EFNA3: variants seen among roughly 807,000 people sequenced by gnomAD.
The protein encoded by EFNA3 is ephrin A3, also known as ephrin-A3.
Under a neutral mutation model 25.0 loss-of-function variants are expected in EFNA3, and 15 were observed. That is an observed-to-expected ratio of 0.60 (90% confidence interval 0.40 to 0.92). The LOEUF (loss-of-function observed/expected upper bound fraction) is 0.92. Among genes scored for constraint, EFNA3 ranks in the 40% least tolerant of loss-of-function variants. The pLI is 0.00. For synonymous variants in EFNA3, 153 were observed against 145.6 expected, an observed-to-expected ratio of 1.05 and a Z score of -0.37; for missense variants, 298 against 323.8, an observed-to-expected ratio of 0.92 and a Z score of 0.61.
At position 155,079,071 on chromosome 1, in the gene EFNA3, T is replaced by G; in HGVS notation, c.128+2T>G. On this transcript the variant is annotated splice_donor_variant, in intron 1 of 4. Coordinates refer to ENST00000368408, the MANE Select transcript of EFNA3 (RefSeq NM_004952.5). LOFTEE classifies it high-confidence loss of function. This position sits in a 1 kb window ranked among gnomAD's most constrained non-coding sequence, Gnocchi z 7.7. ...GTACTGGAACAGCTCCAACCAGCAG[T>G]GAGTCGGGGACCCTGGGAGTCCGCG... The G allele has an allele frequency of 3.7e-6, 5 of 1,335,580 alleles. No homozygotes were observed. The highest frequency in any genetic ancestry group is 4.8e-6 in the Non-Finnish European group (5 of 1,036,442). 82.7% of individuals were successfully genotyped at this position (1,335,580 alleles called of 1,614,324 possible).
At chr1:155,082,609 TG>T (rs1334773391) in intron 1 of EFNA3, among the ~76,000 whole-genome samples, 2 of 152,012 alleles carry the variant, frequency 1.3e-5, no homozygotes, top group South Asian at 4.2e-4. Flanking sequence ...CCCCTCCAAA[TG>T]GGGTGTGTCG....
chr1:155,083,786 C>T (rs754000750), intron 1 of EFNA3, among the ~76,000 whole-genome samples: 3 of 152,194 alleles, frequency 2.0e-5, no homozygotes, highest in African/African-American at 7.2e-5. Flanking sequence ...CCAGTCTCTC[C>T]CCCCAGGGAG....
In EFNA3 at chr1:155,085,510, G is replaced by A. The variant is rs1388158373; in HGVS notation, c.442+106G>A. On this transcript the variant is annotated intron_variant, in intron 2 of 4. Coordinates refer to ENST00000368408, the MANE Select transcript of EFNA3 (RefSeq NM_004952.5). This position sits in a 1 kb window ranked among gnomAD's most constrained non-coding sequence, Gnocchi z 4.4. The stretch of plus-strand genomic sequence containing the variant: ...GGCGGGGCCGGCGCGGCGGGCGCCA[G>A]GTCTCGCGGCTGAGACCAGGGAGGA... 1.5e-6 allele frequency: 2 copies of A among 1,371,792 alleles called. No individual in the cohort carries two copies. The highest frequency in any genetic ancestry group is 5.1e-5 in the East Asian group (2 of 39,486). 85.0% of individuals were successfully genotyped at this position (1,371,792 alleles called of 1,614,324 possible).
Position 155,085,079 on chromosome 1 carries a change from T to A in EFNA3, c.129-12T>A, listed in dbSNP as rs1390854139. On this transcript the variant is annotated splice_polypyrimidine_tract_variant and intron_variant, in intron 1 of 4. Coordinates refer to ENST00000368408, the MANE Select transcript of EFNA3 (RefSeq NM_004952.5). This position sits in a 1 kb window ranked among gnomAD's most constrained non-coding sequence, Gnocchi z 4.4. ...GGTTTCTTCTCTCTGAGCCGCTTCCTCTTCCCCACAGCCTGCGGCGAGAGG... is the reference window on the plus strand; with the variant it reads ...GGTTTCTTCTCTCTGAGCCGCTTCCACTTCCCCACAGCCTGCGGCGAGAGG... 1 of 1,612,810 alleles carries A rather than the reference T, an allele frequency of 6.2e-7. No homozygotes were observed. The highest frequency in any genetic ancestry group is 1.7e-5 in the Admixed American group (1 of 59,738).
At position 155,086,117 on chromosome 1, in the gene EFNA3, C is replaced by CCCCCCCCCCCCCAAG; in HGVS notation, c.509-10_509-9insCCCCCCCCCCCAAGC. 1 of 1,608,846 alleles carries CCCCCCCCCCCCCAAG rather than the reference C, an allele frequency of 6.2e-7. No individual in the cohort carries two copies. The highest frequency in any genetic ancestry group is 8.5e-7 in the Non-Finnish European group (1 of 1,176,350). Reference sequence around the variant, plus strand: ...CCCCTCCTCTCTCCCCACCCGCACCCCACCCCGCAGCATCGCACTCCGGGG... The same window carrying CCCCCCCCCCCCCAAG: ...CCCCTCCTCTCTCCCCACCCGCACCCCCCCCCCCCCCCAAGCACCCCGCAGCATCGCACTCCGGGG... On this transcript the variant is annotated splice_polypyrimidine_tract_variant and intron_variant, in intron 3 of 4. Coordinates refer to ENST00000368408, the MANE Select transcript of EFNA3 (RefSeq NM_004952.5).
At position 155,085,289 on chromosome 1, in the gene EFNA3, G is replaced by C; in HGVS notation, c.327G>C (p.Glu109Asp). ...CCAGCCAGGGCTTCAAGCGCTGGGA[G>C]TGCAACCGGCCGCACGCCCCGCACA... Reference protein sequence around the residue: ...CNASQGFKRWECNRPHAPHSP... With the variant: ...CNASQGFKRWDCNRPHAPHSP... Residue 109 changes from glutamate to aspartate, a missense_variant, in exon 2 of 5, where the codon GAG (glutamate) becomes GAC (aspartate). Transcript: ENST00000368408. This position sits in a 1 kb window ranked among gnomAD's most constrained non-coding sequence, Gnocchi z 4.4. 2 of 1,613,078 alleles carry C rather than the reference G, an allele frequency of 1.2e-6. No homozygotes were observed. The highest frequency in any genetic ancestry group is 2.2e-5 in the South Asian group (2 of 91,012).
chr1:155,079,519 T>A lies in EFNA3; in HGVS notation c.128+450T>A, dbSNP rs1663302000. 3.9e-5 allele frequency among the ~76,000 whole-genome samples: 6 copies of A among 152,070 alleles called. No individual in the cohort carries two copies. In the South Asian group the frequency reaches 1.2e-3, roughly 32 times the overall value. Reference sequence around the variant, plus strand: ...TGCTTTTAAAAGTGGGGTCCAGAGCTGAGGCAGGGAGTCCGACCGAGCACC... The same window carrying A: ...TGCTTTTAAAAGTGGGGTCCAGAGCAGAGGCAGGGAGTCCGACCGAGCACC... On this transcript the variant is annotated intron_variant, in intron 1 of 4. Transcript: ENST00000368408. The surrounding 1 kb of genome is among the most constrained non-coding windows in gnomAD (Gnocchi z 7.7).
At position 155,078,986 on chromosome 1, in the gene EFNA3, G is replaced by T; in HGVS notation, c.45G>T (p.Val15=). ...TGCTGCTGCTGCTGCTCGTGCCCGT[G>T]CCGCTGCTGCCGCTGCTGGCCCAAG... is the stretch of plus-strand genomic sequence containing the variant. ...PLLLLLLLVP[V]PLLPLLAQGP... is the part of the protein sequence containing the mutation. The change falls in exon 1 of 5, where the codon GTG becomes GTT. Residue 15 remains valine (V), a synonymous_variant. Transcript: ENST00000368408. 7.0e-7 allele frequency: 1 copy of T among 1,433,870 alleles called. No individual in the cohort carries two copies. The highest frequency in any genetic ancestry group is 3.0e-5 in the Admixed American group (1 of 33,854). The allele number at this position is 1,433,870 out of a possible 1,614,324, so 88.8% of individuals were successfully genotyped here. A position where few individuals can be genotyped will look rare whatever the true frequency, so the allele number is the denominator to read the frequency against.
In EFNA3 at chr1:155,079,832, G is replaced by T. The variant is rs1169924496; in HGVS notation, c.128+763G>T. ...GATTTGTGTGTCTGCGTCGGCGATC[G>T]TCTGGGGGTGGGAGCGGGCTGCGGG... On this transcript the variant is annotated intron_variant, in intron 1 of 4. Transcript: ENST00000368408. The surrounding 1 kb of genome is among the most constrained non-coding windows in gnomAD (Gnocchi z 7.7). Among the ~76,000 whole-genome samples, 1 of 152,084 alleles carries T rather than the reference G, an allele frequency of 6.6e-6. No homozygotes were observed. The highest frequency in any genetic ancestry group is 1.5e-5 in the Non-Finnish European group (1 of 68,002).
intron 1 of EFNA3, among the ~76,000 whole-genome samples, chr1:155,084,504 C>A (rs1234766054): frequency 6.6e-6 from 1 of 152,254 alleles, no homozygotes; most frequent in African/African-American, 2.4e-5. Context: ...AGAACTTATG[C>A]ATGTATATGC....
In EFNA3 at chr1:155,079,567, G is replaced by GT. The variant is rs940383000; in HGVS notation, c.128+500dup. Among the ~76,000 whole-genome samples the GT allele has an allele frequency of 5.3e-5, 8 of 152,174 alleles. No individual in the cohort carries two copies. The highest frequency in any genetic ancestry group is 1.0e-4 in the Non-Finnish European group (7 of 68,014). The stretch of plus-strand genomic sequence containing the variant: ...ACCTCCCTAGAAGGAAGGCGAATGG[G>GT]TTGTCTTGGTTGTGTGGATAAGCCC... On this transcript the variant is annotated intron_variant, in intron 1 of 4. Transcript: ENST00000368408. This position sits in a 1 kb window ranked among gnomAD's most constrained non-coding sequence, Gnocchi z 7.7.
intron 1 of EFNA3, among the ~76,000 whole-genome samples, chr1:155,084,147 C>A (rs1421081136): frequency 6.6e-6 from 1 of 152,242 alleles, no homozygotes; most frequent in African/African-American, 2.4e-5. Context: ...TGCCCAGCAT[C>A]ATTAAGGGGG....
chr1:155,084,008 A>G (rs905113750), intron 1 of EFNA3, among the ~76,000 whole-genome samples: 1 of 152,238 alleles, frequency 6.6e-6, no homozygotes, highest in Admixed American at 6.5e-5. Flanking sequence ...TGTTAAGACC[A>G]ACACTTTGAT....
Position 155,079,143 on chromosome 1 carries a change from G to T in EFNA3, c.128+74G>T, listed in dbSNP as rs1215140220. 8.6e-6 allele frequency: 11 copies of T among 1,277,866 alleles called. No individual in the cohort carries two copies. The highest frequency in any genetic ancestry group is 2.0e-6 in the Non-Finnish European group (2 of 1,003,686). 79.2% of individuals were successfully genotyped at this position (1,277,866 alleles called of 1,614,324 possible). ...GGAGCCGGTGGGCCCGAGAAGTCCTGGGGGATCCCGGGGTGGGAGTCCTGG... is the reference window on the plus strand; with the variant it reads ...GGAGCCGGTGGGCCCGAGAAGTCCTTGGGGATCCCGGGGTGGGAGTCCTGG... On this transcript the variant is annotated intron_variant, in intron 1 of 4. Coordinates refer to ENST00000368408, the MANE Select transcript of EFNA3 (RefSeq NM_004952.5). The surrounding 1 kb of genome is among the most constrained non-coding windows in gnomAD (Gnocchi z 7.7).
In EFNA3 at chr1:155,085,097, G is replaced by A. The variant is rs1476303023; in HGVS notation, c.135G>A (p.Arg45=). 2 of 1,613,646 alleles carry A rather than the reference G, an allele frequency of 1.2e-6. No homozygotes were observed. The highest frequency in any genetic ancestry group is 2.2e-5 in the South Asian group (2 of 91,066). The change falls in exon 2 of 5, where the codon CGG becomes CGA. Residue 45 remains arginine (R), a synonymous_variant. Coordinates refer to ENST00000368408, the MANE Select transcript of EFNA3 (RefSeq NM_004952.5). This position sits in a 1 kb window ranked among gnomAD's most constrained non-coding sequence, Gnocchi z 4.4. The part of the protein sequence containing the change: ...VYWNSSNQHL[R]REGYTVQVNV... ...CGCTTCCTCTTCCCCACAGCCTGCG[G>A]CGAGAGGGCTACACCGTGCAGGTGA...
Position 155,085,515 on chromosome 1 carries a change from C to A in EFNA3, c.442+111C>A, listed in dbSNP as rs1663437404. The A allele has an allele frequency of 7.5e-7, 1 of 1,330,946 alleles. No individual in the cohort carries two copies. Among genetic ancestry groups the A allele is most frequent in the Non-Finnish European group, 1.0e-6 (1 of 996,848 alleles). The allele number at this position is 1,330,946 out of a possible 1,614,324, so 82.4% of individuals were successfully genotyped here. A position where few individuals can be genotyped will look rare whatever the true frequency, so the allele number is the denominator to read the frequency against. On this transcript the variant is annotated intron_variant, in intron 2 of 4. Transcript: ENST00000368408. The surrounding 1 kb of genome is among the most constrained non-coding windows in gnomAD (Gnocchi z 4.4). ...GGCCGGCGCGGCGGGCGCCAGGTCTCGCGGCTGAGACCAGGGAGGAGGCGT... is the reference window on the plus strand; with the variant it reads ...GGCCGGCGCGGCGGGCGCCAGGTCTAGCGGCTGAGACCAGGGAGGAGGCGT...
At position 155,078,987 on chromosome 1, in the gene EFNA3, C is replaced by G. The variant is rs1304106040; in HGVS notation, c.46C>G (p.Pro16Ala). Reference protein sequence around the residue: ...LLLLLLLVPVPLLPLLAQGPG... With the variant: ...LLLLLLLVPVALLPLLAQGPG... ...GCTGCTGCTGCTGCTCGTGCCCGTG[C>G]CGCTGCTGCCGCTGCTGGCCCAAGG... The change falls in exon 1 of 5, where the codon CCG (proline) becomes GCG (alanine). Residue 16 changes from proline to alanine, a missense_variant. By Grantham distance (27) the Pro-to-Ala change is conservative. Transcript: ENST00000368408. 7.0e-7 allele frequency: 1 copy of G among 1,433,456 alleles called. No homozygotes were observed. The allele number at this position is 1,433,456 out of a possible 1,614,324, so 88.8% of individuals were successfully genotyped here.
rs1008233541 is a variant in EFNA3, at chr1:155,085,796, A to AG, written c.443-76dup. On this transcript the variant is annotated intron_variant, in intron 2 of 4. Coordinates refer to ENST00000368408, the MANE Select transcript of EFNA3 (RefSeq NM_004952.5). This position sits in a 1 kb window ranked among gnomAD's most constrained non-coding sequence, Gnocchi z 4.4. ...AGACCGCCCGACGGGGACAGTTTGG[A>AG]GGGGGTGAGAAATAGAGCCGTCGAG... 4 of 1,529,274 alleles carry AG rather than the reference A, an allele frequency of 2.6e-6. No individual in the cohort carries two copies. Among genetic ancestry groups the AG allele is most frequent in the African/African-American group, 2.8e-5 (2 of 72,636 alleles). 94.7% of individuals were successfully genotyped at this position (1,529,274 alleles called of 1,614,324 possible).
rs535251626 is a variant in EFNA3 at position 155,081,701 on chromosome 1, G to T, written c.128+2632G>T. Among the ~76,000 whole-genome samples, 3 of 151,830 alleles carry T rather than the reference G, an allele frequency of 2.0e-5. No individual in the cohort carries two copies. Among genetic ancestry groups the T allele is most frequent in the Admixed American group, 6.6e-5 (1 of 15,252 alleles). The stretch of plus-strand genomic sequence containing the variant: ...GTCTCCGCCGTCTGTGGGCCTCTCT[G>T]GCCTGCCTGTCTCTCCTGTTCTCCA... On this transcript the variant is annotated intron_variant, in intron 1 of 4. Transcript: ENST00000368408. This position sits in a 1 kb window ranked among gnomAD's most constrained non-coding sequence, Gnocchi z 5.2.
Sources: gnomAD v4.1 joint callset for allele counts (sites outside exome capture counted in the v4.1 genomes callset) on GRCh38, gnomAD v4.1.1 for gene constraint, Gnocchi (gnomAD v3.1) non-coding constraint, MANE v1.5 for transcripts, NCBI Gene and HGNC (gene_info 2026-07-23, HGNC 2026-07-21) for gene names.